Variants in CNTN3 observed in about 807,000 individuals in gnomAD.
CNTN3 encodes the protein contactin-3.
In CNTN3, 60 loss-of-function variants were observed where a neutral mutation model predicts 119.1. The ratio of observed to expected loss-of-function variants is 0.50; its 90% confidence interval spans 0.41 to 0.62. CNTN3 has a LOEUF of 0.62. Ranked by LOEUF, CNTN3 falls within the 20% of genes least tolerant of loss-of-function variation. The pLI is 0.00. For synonymous variants in CNTN3, 450 were observed against 438.7 expected (o/e 1.03, Z -0.32); for missense variants, 1,101 against 1,242.4 (o/e 0.89, Z 1.71).
chr3:74,411,703 G>C (rs1387608121), intron 5 of CNTN3, among the ~76,000 whole-genome samples: 1 of 152,078 alleles, frequency 6.6e-6, no homozygotes, highest in African/African-American at 2.4e-5. Context: ...AAAACCATGA[G>C]AGAAAATAAG....
At chr3:74,342,336 T>G (rs1703569202) in intron 11 of CNTN3, among the ~76,000 whole-genome samples, 1 of 152,202 alleles carries the variant, frequency 6.6e-6, no homozygotes, top group African/African-American at 2.4e-5. Flanking sequence ...ATTAGCGTTT[T>G]TATTCTTCTA....
chr3:74,451,278 T>C (rs77214486), intron 4 of CNTN3, among the ~76,000 whole-genome samples: 107,665 of 152,080 alleles, frequency 0.71, 38,434 homozygotes, highest in African/African-American at 0.79. Context: ...TGGTGAGCAT[T>C]TTTTCATGTG....
Position 74,612,758 on chromosome 3 carries a change from G to A in CNTN3, c.-81+1633C>T, listed in dbSNP as rs1705104143. Among the ~76,000 whole-genome samples the A allele has an allele frequency of 1.3e-5, 2 of 152,154 alleles. 1 individual carries two copies. The highest frequency in any genetic ancestry group is 4.1e-4 in the South Asian group (2 of 4,834). On this transcript the variant is annotated intron_variant, in intron 1 of 22. Coordinates refer to ENST00000263665, the MANE Select transcript of CNTN3 (RefSeq NM_020872.3). ...CATGTTTACTCTCAACTAATTTCAAGCAAGTATTCAAAGACCAATAATTCC... is the reference window on the plus strand; with the variant it reads ...CATGTTTACTCTCAACTAATTTCAAACAAGTATTCAAAGACCAATAATTCC...
intron 5 of CNTN3, among the ~76,000 whole-genome samples, chr3:74,409,383 C>A (rs1301916813): frequency 6.6e-6 from 1 of 152,220 alleles, no homozygotes; most frequent in African/African-American, 2.4e-5. Context: ...TATTTGTTTT[C>A]ATGATCAGCA....
At chr3:74,555,276 G>C (rs1361784987) in intron 1 of CNTN3, among the ~76,000 whole-genome samples, 3 of 152,192 alleles carry the variant, frequency 2.0e-5, no homozygotes, top group African/African-American at 7.2e-5. Context: ...CTTGATCGTA[G>C]TGGATAACCT....
chr3:74,566,527 T>A (rs1003458552), intron 1 of CNTN3, among the ~76,000 whole-genome samples: 12 of 152,202 alleles, frequency 7.9e-5, no homozygotes, highest in Non-Finnish European at 1.5e-5. Flanking sequence ...CTCAGGATTC[T>A]GTGCCTCCTT....
intron 1 of CNTN3, among the ~76,000 whole-genome samples, chr3:74,613,133 T>C (rs1705110049): frequency 6.6e-6 from 1 of 152,160 alleles, no homozygotes; most frequent in Non-Finnish European, 1.5e-5. Flanking sequence ...CTCCTTTCAA[T>C]CTCTGAAGGG....
chr3:74,340,441 A>G (rs1026523005), intron 11 of CNTN3, among the ~76,000 whole-genome samples: 2 of 152,116 alleles, frequency 1.3e-5, no homozygotes, highest in Non-Finnish European at 2.9e-5. Flanking sequence ...AAACTGTCAG[A>G]GAAGTCTTGG....
At chr3:74,515,319 T>G (rs940886593) in intron 2 of CNTN3, among the ~76,000 whole-genome samples, 2 of 152,036 alleles carry the variant, frequency 1.3e-5, no homozygotes, top group African/African-American at 4.8e-5. Context: ...GATGGTCAAG[T>G]GATAGTGGTC....
At chr3:74,458,475 A>C (rs1414058243) in intron 4 of CNTN3, among the ~76,000 whole-genome samples, 1 of 152,028 alleles carries the variant, frequency 6.6e-6, no homozygotes. Context: ...AGTGCCCATG[A>C]GTATAGTTTT....
At chr3:74,355,929 C>CTTAA (rs1452853352) in intron 11 of CNTN3, among the ~76,000 whole-genome samples, 1 of 151,996 alleles carries the variant, frequency 6.6e-6, no homozygotes, top group Non-Finnish European at 1.5e-5. Context: ...CACTCCCCTC[C>CTTAA]ATGGCACCTT....
intron 1 of CNTN3, among the ~76,000 whole-genome samples, chr3:74,557,532 G>C (rs927968953): frequency 6.6e-6 from 1 of 152,120 alleles, no homozygotes; most frequent in South Asian, 2.1e-4. Context: ...GGAACCAAGG[G>C]ATAGAAGCAG....
chr3:74,343,665 G>C (rs1031971567), intron 11 of CNTN3, among the ~76,000 whole-genome samples: 1 of 152,160 alleles, frequency 6.6e-6, no homozygotes. Context: ...GTCTTGGTAG[G>C]GCTATGAATC....
intron 5 of CNTN3, among the ~76,000 whole-genome samples, chr3:74,372,425 T>C (rs1488798): frequency 0.53 from 79,788 of 151,830 alleles, 21,350 homozygotes; most frequent in Middle Eastern, 0.62. Context: ...GATAATAATA[T>C]GCCACTTTGT....
At chr3:74,269,048 G>GAAAAAAAAA (rs5850167) in intron 20 of CNTN3, among the ~76,000 whole-genome samples, 1 of 117,122 alleles carries the variant, frequency 8.5e-6, no homozygotes. Context: ...ATGACAAAAA[G>GAAAAAAAAA]AAAAAAAAAA....
chr3:74,579,565 A>G (rs950217977), intron 1 of CNTN3, among the ~76,000 whole-genome samples: 4 of 152,176 alleles, frequency 2.6e-5, no homozygotes, highest in Non-Finnish European at 4.4e-5. Context: ...GAAATAATAA[A>G]TAGTATGTTA....
chr3:74,541,685 T>A (rs764402017), intron 1 of CNTN3, among the ~76,000 whole-genome samples: 10 of 152,178 alleles, frequency 6.6e-5, no homozygotes, highest in Non-Finnish European at 1.5e-4. Context: ...ACAGACAATG[T>A]CCTATTAAGC....
At chr3:74,343,686 G>T (rs757002804) in intron 11 of CNTN3, among the ~76,000 whole-genome samples, 4 of 152,184 alleles carry the variant, frequency 2.6e-5, no homozygotes, top group African/African-American at 4.8e-5. Flanking sequence ...ACGGTGTCTT[G>T]TCGTATCCTA....
chr3:74,340,890 T>C (rs533347430), intron 11 of CNTN3, among the ~76,000 whole-genome samples: 33 of 152,300 alleles, frequency 2.2e-4, no homozygotes, highest in Non-Finnish European at 4.4e-4. Context: ...AGGTATCTTC[T>C]ATGCAATGAA....
Sources: allele counts gnomAD v4.1 joint callset (sites outside exome capture counted in the v4.1 genomes callset), GRCh38; gene constraint gnomAD v4.1.1; transcripts MANE v1.5; gene names NCBI Gene and HGNC (gene_info 2026-07-23, HGNC 2026-07-21).